The following CLSTN2 variants were observed in gnomAD, a reference collection of about 807,000 sequenced individuals.
CLSTN2 encodes calsyntenin-2.
Under a neutral mutation model 101.2 loss-of-function variants are expected in CLSTN2, and 48 were observed. The ratio of observed to expected loss-of-function variants is 0.47; its 90% confidence interval spans 0.38 to 0.60. CLSTN2 has a LOEUF of 0.60. Among genes scored for constraint, CLSTN2 ranks in the 20% least tolerant of loss-of-function variants. The probability of loss-of-function intolerance (pLI) is 0.00; values close to 1 mark genes in which losing one functional copy is unlikely to be tolerated. For synonymous variants in CLSTN2, 481 were observed against 463.6 expected (o/e 1.04, Z -0.48); for missense variants, 1,160 against 1,238.2 (o/e 0.94, Z 0.95).
chr3:140,390,365 A>G (rs142713028), intron 2 of CLSTN2, among the ~76,000 whole-genome samples: 3 of 152,226 alleles, frequency 2.0e-5, no homozygotes, highest in East Asian at 1.9e-4. Flanking sequence ...CCTCTGATCC[A>G]TGATTCTTTT....
At chr3:140,083,938 A>G (rs961090562) in intron 1 of CLSTN2, among the ~76,000 whole-genome samples, 1 of 152,182 alleles carries the variant, frequency 6.6e-6, no homozygotes, top group African/African-American at 2.4e-5. Context: ...CCATTCAGTA[A>G]GCATCAAAAG....
intron 2 of CLSTN2, among the ~76,000 whole-genome samples, chr3:140,311,384 C>A (rs2087167269): frequency 7.4e-6 from 1 of 135,846 alleles, no homozygotes; most frequent in African/African-American, 2.8e-5. Context: ...TGGCTCACTG[C>A]AACCTCTGCC....
chr3:139,947,811 T>C (rs948491903), intron 1 of CLSTN2, among the ~76,000 whole-genome samples: 4 of 152,112 alleles, frequency 2.6e-5, no homozygotes, highest in African/African-American at 9.6e-5. Flanking sequence ...GTGATTTTAA[T>C]TAGAAGTCAT....
At position 140,286,326 on chromosome 3, in the gene CLSTN2, G is replaced by T. The variant is rs1188160983; in HGVS notation, c.232+110253G>T. On this transcript the variant is annotated intron_variant, in intron 2 of 16. Transcript: ENST00000458420. ...CAAGGAGATCTGGGGAAACTCTTTG[G>T]ACTATTTCTCCTCCACAAATCAGTT... Among the ~76,000 whole-genome samples the T allele has an allele frequency of 2.0e-5, 3 of 152,118 alleles. No homozygotes were observed. In the South Asian group the frequency reaches 6.2e-4, roughly 32 times the overall value.
chr3:140,529,101 C>T (rs528496605), intron 8 of CLSTN2, among the ~76,000 whole-genome samples: 1 of 152,330 alleles, frequency 6.6e-6, no homozygotes, highest in African/African-American at 2.4e-5. Context: ...AGAAACTACA[C>T]AGAGAACCTC....
chr3:140,005,553 A>T (rs1576394374), intron 1 of CLSTN2, among the ~76,000 whole-genome samples: 2 of 152,250 alleles, frequency 1.3e-5, no homozygotes, highest in African/African-American at 4.8e-5. Flanking sequence ...TAAGCCTTTT[A>T]CCTGAAGCTT....
At chr3:140,106,745 G>A (rs1484503614) in intron 1 of CLSTN2, among the ~76,000 whole-genome samples, 1 of 152,142 alleles carries the variant, frequency 6.6e-6, no homozygotes, top group African/African-American at 2.4e-5. Context: ...TACAAAATGA[G>A]TCTTCAGAAA....
intron 1 of CLSTN2, among the ~76,000 whole-genome samples, chr3:140,008,684 A>G (rs1345969851): frequency 6.6e-6 from 1 of 152,206 alleles, no homozygotes; most frequent in Non-Finnish European, 1.5e-5. Context: ...AGTTAACAGA[A>G]TTTTCCTAAT....
intron 1 of CLSTN2, among the ~76,000 whole-genome samples, chr3:140,019,884 C>T (rs1272473064): frequency 3.9e-5 from 6 of 152,090 alleles, no homozygotes; most frequent in Admixed American, 2.6e-4. Flanking sequence ...GCTTGGGTAC[C>T]CAGGGGATGC....
intron 5 of CLSTN2, among the ~76,000 whole-genome samples, chr3:140,435,529 A>T (rs575763238): frequency 6.6e-6 from 1 of 152,208 alleles, no homozygotes; most frequent in Non-Finnish European, 1.5e-5. Context: ...CAACAAACAT[A>T]GGTGTGCAGA....
At chr3:139,982,941 A>G (rs114598920) in intron 1 of CLSTN2, among the ~76,000 whole-genome samples, 2,182 of 149,904 alleles carry the variant, frequency 0.015, 55 homozygotes, top group African/African-American at 0.051. Context: ...ATGACTATAT[A>G]TATGAACTAT....
intron 8 of CLSTN2, among the ~76,000 whole-genome samples, chr3:140,475,711 C>G (rs1933969533): frequency 6.6e-6 from 1 of 152,192 alleles, no homozygotes; most frequent in African/African-American, 2.4e-5. Flanking sequence ...CCTGTCTGGT[C>G]TCTTTTTTCC....
At chr3:140,520,885 C>CTTA (rs1935009494) in intron 8 of CLSTN2, among the ~76,000 whole-genome samples, 1 of 152,106 alleles carries the variant, frequency 6.6e-6, no homozygotes, top group African/African-American at 2.4e-5. Context: ...GTCTGCCTGT[C>CTTA]TTATTTCAGA....
chr3:140,116,245 A>G (rs2009240610), intron 1 of CLSTN2, among the ~76,000 whole-genome samples: 1 of 152,210 alleles, frequency 6.6e-6, no homozygotes, highest in Non-Finnish European at 1.5e-5. Context: ...ACTCAGTAAA[A>G]TTCATTTTAA....
intron 2 of CLSTN2, among the ~76,000 whole-genome samples, chr3:140,212,966 C>A (rs1210168930): frequency 6.6e-6 from 1 of 152,188 alleles, no homozygotes; most frequent in Non-Finnish European, 1.5e-5. Context: ...CACACCCTGT[C>A]TCTTTACAGA....
At chr3:140,241,844 C>CAT (rs761082734) in intron 2 of CLSTN2, among the ~76,000 whole-genome samples, 26 of 141,918 alleles carry the variant, frequency 1.8e-4, no homozygotes, top group East Asian at 1.4e-3. Context: ...TATATATATA[C>CAT]ATATATATAT....
chr3:140,233,143 C>T (rs985304741), intron 2 of CLSTN2, among the ~76,000 whole-genome samples: 10 of 152,148 alleles, frequency 6.6e-5, no homozygotes, highest in Admixed American at 3.3e-4. Context: ...CTAGATTCTC[C>T]CTCTCCCCAG....
chr3:140,008,206 G>A (rs1299733663), intron 1 of CLSTN2, among the ~76,000 whole-genome samples: 1 of 152,208 alleles, frequency 6.6e-6, no homozygotes, highest in African/African-American at 2.4e-5. Context: ...GTCTTTGAAT[G>A]TGTCCCATGA....
At chr3:140,394,624 C>T (rs1480875188) in intron 2 of CLSTN2, among the ~76,000 whole-genome samples, 1 of 100,652 alleles carries the variant, frequency 9.9e-6, no homozygotes, top group Non-Finnish European at 2.4e-5. Flanking sequence ...TACTTCATTG[C>T]ACTTAACTTT....
Sources: allele counts gnomAD v4.1 joint callset (sites outside exome capture counted in the v4.1 genomes callset), GRCh38; gene constraint gnomAD v4.1.1; transcripts MANE v1.5; gene names NCBI Gene and HGNC (gene_info 2026-07-23, HGNC 2026-07-21).